The following RHEB variants were observed in gnomAD, a reference collection of about 807,000 sequenced individuals.
The protein encoded by RHEB is GTP-binding protein Rheb.
Under a neutral mutation model 28.8 loss-of-function variants are expected in RHEB, and 2 were observed. The observed-to-expected ratio is 0.07, with a 90% CI of 0.03 to 0.22. The LOEUF (loss-of-function observed/expected upper bound fraction) is 0.22, where lower values mean the gene tolerates loss of function less well. RHEB is among the 10% of genes least tolerant of loss of function. RHEB has a pLI of 1.00. For missense variants in RHEB, 76 were observed against 219.9 expected, an observed-to-expected ratio of 0.35 and a Z score of 4.14; for synonymous variants, 69 against 77.3, an observed-to-expected ratio of 0.89 and a Z score of 0.56.
At chr7:151,471,670 G>T (rs1448287157) in intron 4 of RHEB, 65 bp from the exon 5 acceptor site, 4 of 1,027,950 alleles carry the variant, frequency 3.9e-6, no homozygotes, top group Non-Finnish European at 5.9e-6. Context: ...TGTATGTTAT[G>T]TTGCCAGCTG....
chr7:151,502,950 A>G, intron 1 of RHEB: 4 of 785,688 alleles, frequency 5.1e-6, no homozygotes, highest in East Asian at 2.4e-5. Flanking sequence ...AATGGATTCA[A>G]TCAAGCTACT....
intron 1 of RHEB, among the ~76,000 whole-genome samples, chr7:151,504,118 G>A (rs1802824605): frequency 6.6e-6 from 1 of 152,212 alleles, no homozygotes; most frequent in African/African-American, 2.4e-5. Context: ...ACTGACTCAT[G>A]AAGCATTTGG....
At chr7:151,503,763 G>GAA (rs58779947) in intron 1 of RHEB, among the ~76,000 whole-genome samples, 17 of 119,580 alleles carry the variant, frequency 1.4e-4, no homozygotes, top group African/African-American at 3.2e-4. Flanking sequence ...TGTATTTTAT[G>GAA]AAAAAAAAAA....
chr7:151,507,584 A>G (rs140882700), intron 1 of RHEB, among the ~76,000 whole-genome samples: 149 of 152,346 alleles, frequency 9.8e-4, no homozygotes, highest in African/African-American at 3.4e-3. Context: ...ACATTCTCAC[A>G]TGAATTATCT....
At position 151,472,997 on chromosome 7, in the gene RHEB, C is replaced by T. The variant is rs141907713; in HGVS notation, c.276-1392G>A. Among the ~76,000 whole-genome samples the T allele has an allele frequency of 7.2e-5, 11 of 152,330 alleles. No homozygotes were observed. Among genetic ancestry groups the T allele is most frequent in the African/African-American group, 1.9e-4 (8 of 41,566 alleles). The stretch of plus-strand genomic sequence containing the variant: ...TGGGCAAAAATACAGTACCCTGTCA[C>T]GTGAGAAACAGCTGAAAGAACTAGG... On this transcript the variant is annotated intron_variant, in intron 4 of 7. Transcript: ENST00000262187. This position sits in a 1 kb window ranked among gnomAD's most constrained non-coding sequence, Gnocchi z 5.2.
intron 3 of RHEB, among the ~76,000 whole-genome samples, chr7:151,483,265 A>G (rs1003908479): frequency 2.6e-5 from 4 of 152,214 alleles, no homozygotes; most frequent in Non-Finnish European, 5.9e-5. Flanking sequence ...TTACTTCAAA[A>G]TGCAAAGCAG....
intron 1 of RHEB, among the ~76,000 whole-genome samples, chr7:151,514,139 T>C (rs554151834): frequency 1.8e-4 from 27 of 152,146 alleles, no homozygotes; most frequent in Non-Finnish European, 4.0e-4. Flanking sequence ...AACATTATTT[T>C]AACAAAAGAA....
intron 1 of RHEB, among the ~76,000 whole-genome samples, chr7:151,496,981 G>T (rs1802685651): frequency 1.3e-5 from 2 of 150,612 alleles, no homozygotes; most frequent in Non-Finnish European, 3.0e-5. Flanking sequence ...AGTAGAGATG[G>T]GGTTTCACTG....
chr7:151,503,584 T>C (rs2150935297), intron 1 of RHEB: 2 of 490,252 alleles, frequency 4.1e-6, no homozygotes, highest in South Asian at 2.2e-5. Flanking sequence ...TATCCATGAG[T>C]ACTGGTTATT....
intron 6 of RHEB, 135 bp from the exon 7 acceptor site, chr7:151,470,787 T>G (rs1339395696): frequency 3.3e-6 from 2 of 603,116 alleles, no homozygotes; most frequent in Non-Finnish European, 5.9e-6. Flanking sequence ...GGCCTAACAT[T>G]AGCATCAAGA....
At chr7:151,503,059 C>T (rs1802800730) in intron 1 of RHEB, 4 of 792,134 alleles carry the variant, frequency 5.0e-6, no homozygotes, top group Non-Finnish European at 9.3e-6. Context: ...CGCGAAAGTA[C>T]TGTTTTGGCG....
chr7:151,519,605 C>G lies in RHEB; in HGVS notation c.-94G>C. 4 of 1,266,558 alleles carry G rather than the reference C, an allele frequency of 3.2e-6. No individual in the cohort carries two copies. The highest frequency in any genetic ancestry group is 4.3e-6 in the Non-Finnish European group (4 of 941,036). The allele number at this position is 1,266,558 out of a possible 1,614,324, so 78.5% of individuals were successfully genotyped here. A position where few individuals can be genotyped will look rare whatever the true frequency, so the allele number is the denominator to read the frequency against. ...CGGCGGCGGCCGCGCCGGGAGAGAG[C>G]GGCATACAGAGCAGGGGCGGCGGCG... On this transcript the variant is annotated 5_prime_UTR_variant, in exon 1 of 8. Transcript: ENST00000262187.
rs535337973 is a variant in RHEB at position 151,472,720 on chromosome 7, G to A, written c.276-1115C>T. Among the ~76,000 whole-genome samples the A allele has an allele frequency of 2.2e-4, 34 of 152,282 alleles. No homozygotes were observed. In the South Asian group the frequency reaches 6.8e-3, roughly 31 times the overall value. The stretch of plus-strand genomic sequence containing the variant: ...GAAATAATAGGTCCGCAAGGGCAGG[G>A]ATTTGTCTGCTTTGTTCATGATTGC... On this transcript the variant is annotated intron_variant, in intron 4 of 7. Coordinates refer to ENST00000262187, the MANE Select transcript of RHEB (RefSeq NM_005614.4). The surrounding 1 kb of genome is among the most constrained non-coding windows in gnomAD (Gnocchi z 5.2).
Position 151,467,203 on chromosome 7 carries a change from C to T in RHEB, c.471G>A (p.Val157=), listed in dbSNP as rs9770802. ...ESSAKENQTA[V]DVFRRIILEA... ...CCAAAATTATCCTTCGAAAAACATCCACAGCAGTCTGAAAAGAGAAAGAAA... is the reference window on the plus strand; with the variant it reads ...CCAAAATTATCCTTCGAAAAACATCTACAGCAGTCTGAAAAGAGAAAGAAA... Residue 157 remains valine, a synonymous_variant, in exon 8 of 8, where the codon GTG becomes GTA. Transcript: ENST00000262187. 1 of 1,611,784 alleles carries T rather than the reference C, an allele frequency of 6.2e-7. No homozygotes were observed. The highest frequency in any genetic ancestry group is 1.1e-5 in the South Asian group (1 of 91,028).
intron 3 of RHEB, among the ~76,000 whole-genome samples, chr7:151,478,641 AT>A (rs959579831): frequency 1.1e-4 from 17 of 148,064 alleles, no homozygotes; most frequent in African/African-American, 2.0e-4. Flanking sequence ...TATAATTCTG[AT>A]TTTTTTTTTT....
rs76942013 is a variant in RHEB at position 151,495,035 on chromosome 7, C to G, written c.53-4021G>C. ...GTTCAGATCTTTTGGTTAGGTTTTT[C>G]TAGTTTGTTTGCAACCACAAAAAGG... On this transcript the variant is annotated intron_variant, in intron 1 of 7. Coordinates refer to ENST00000262187, the MANE Select transcript of RHEB (RefSeq NM_005614.4). Among the ~76,000 whole-genome samples the G allele has an allele frequency of 2.4e-4, 37 of 152,272 alleles. No homozygotes were observed. The East Asian group carries it at 5.8e-3, about 24-fold the overall frequency.
At chr7:151,510,272 C>CTGTATTTAAGTAACAATCG (rs1802959040) in intron 1 of RHEB, among the ~76,000 whole-genome samples, 1 of 152,174 alleles carries the variant, frequency 6.6e-6, no homozygotes. Context: ...CCTATCCCAA[C>CTGTATTTAAGTAACAATCG]TGTATTTAAG....
intron 1 of RHEB, among the ~76,000 whole-genome samples, chr7:151,505,385 C>G (rs1286923473): frequency 6.6e-6 from 1 of 152,104 alleles, no homozygotes; most frequent in Non-Finnish European, 1.5e-5. Context: ...CCAAGATATC[C>G]AAATTTCCAG....
intron 1 of RHEB, among the ~76,000 whole-genome samples, chr7:151,518,456 A>G (rs1341090308): frequency 6.6e-6 from 1 of 152,092 alleles, no homozygotes; most frequent in Non-Finnish European, 1.5e-5. Flanking sequence ...CACGCCTTCT[A>G]TAGACAGTTA....
Sources: allele counts gnomAD v4.1 joint callset (sites outside exome capture counted in the v4.1 genomes callset), GRCh38; gene constraint gnomAD v4.1.1; non-coding constraint Gnocchi (gnomAD v3.1); transcripts MANE v1.5; gene names NCBI Gene and HGNC (gene_info 2026-07-23, HGNC 2026-07-21).